QRFPR: variants seen among roughly 807,000 people sequenced by gnomAD.
The protein encoded by QRFPR is pyroglutamylated RF-amide peptide receptor.
A neutral mutation model predicts 31.3 loss-of-function variants in QRFPR; 37 were observed. That is an observed-to-expected ratio of 1.18 (90% CI 0.91 to 1.56). The LOEUF is 1.56. Among genes scored for constraint, QRFPR ranks in the 40% most tolerant of loss-of-function variants. The probability of loss-of-function intolerance (pLI) is 0.00; values close to 1 mark genes in which losing one functional copy is unlikely to be tolerated. For synonymous variants in QRFPR, 197 were observed against 192.0 expected (o/e 1.03, Z -0.22); for missense variants, 542 against 532.5 (o/e 1.02, Z -0.18).
In QRFPR at chr4:121,369,932, G is replaced by A. The variant is rs1726200428; in HGVS notation, c.340+10376C>T. On this transcript the variant is annotated intron_variant, in intron 1 of 5. Coordinates refer to ENST00000394427, the MANE Select transcript of QRFPR (RefSeq NM_198179.3). ...TCTAAGGTACTTGGTCTTCTGAGTG[G>A]TGACACCCTTGTGGGTGTGTAGCCA... The A allele has an allele frequency of 2.2e-5, 17 of 769,552 alleles. 1 individual carries two copies. In the South Asian group the frequency reaches 2.4e-4, roughly 11 times the overall value. 47.7% of individuals were successfully genotyped at this position (769,552 alleles called of 1,614,324 possible).
At chr4:121,363,900 G>A (rs557209630) in intron 1 of QRFPR, among the ~76,000 whole-genome samples, 19 of 145,866 alleles carry the variant, frequency 1.3e-4, no homozygotes, top group African/African-American at 4.9e-4. Flanking sequence ...GAAGGAGAAA[G>A]AGAGAGAGGC....
intron 1 of QRFPR, chr4:121,370,472 A>T (rs7678003): frequency 7.4e-5 from 36 of 487,742 alleles, no homozygotes; most frequent in Non-Finnish European, 1.2e-4. Flanking sequence ...AATTAGCAAA[A>T]CTTCCCAGGA....
chr4:121,373,373 C>A (rs114272918), intron 1 of QRFPR, among the ~76,000 whole-genome samples: 339 of 152,310 alleles, frequency 2.2e-3, no homozygotes, highest in African/African-American at 7.8e-3. Context: ...TCAAAGTGTG[C>A]ACGTAATTGA....
chr4:121,365,570 TA>T (rs1726098817), intron 1 of QRFPR, among the ~76,000 whole-genome samples: 2 of 2,878 alleles, frequency 6.9e-4, no homozygotes, highest in African/African-American at 2.7e-3. Flanking sequence ...ATATATTATA[TA>T]TAATATATAT....
chr4:121,351,841 T>C (rs1427634846), intron 1 of QRFPR, among the ~76,000 whole-genome samples: 1 of 97,256 alleles, frequency 1.0e-5, no homozygotes, highest in African/African-American at 3.1e-5. Context: ...TATAAAGTAA[T>C]GTAAAAAAAA....
Position 121,330,438 on chromosome 4 carries a change from T to G in QRFPR, c.883A>C (p.Met295Leu), listed in dbSNP as rs750502793. The G allele has an allele frequency of 1.2e-6, 2 of 1,608,850 alleles. No homozygotes were observed. Among genetic ancestry groups the G allele is most frequent in the East Asian group, 4.5e-5 (2 of 44,854 alleles). The change falls in exon 5 of 6, where the codon ATG becomes CTG. Residue 295 changes from methionine (M) to leucine (L), a missense_variant. Met to Leu is a conservative substitution (Grantham distance 15). Coordinates refer to ENST00000394427, the MANE Select transcript of QRFPR (RefSeq NM_198179.3). ...CWAPFHVVHM[M>L]IEYSNFEKEY... ...GACAAGCACTCACTGTATTCAATCA[T>G]CATATGGACAACATGGAATGGTGCC...
chr4:121,355,047 T>G (rs1725839268), intron 1 of QRFPR, among the ~76,000 whole-genome samples: 2 of 152,066 alleles, frequency 1.3e-5, no homozygotes, highest in African/African-American at 2.4e-5. Context: ...CGTTGTGTCT[T>G]TGCCTGGTTT....
intron 1 of QRFPR, among the ~76,000 whole-genome samples, chr4:121,357,796 G>C (rs900077051): frequency 7.9e-5 from 12 of 152,242 alleles, no homozygotes; most frequent in Non-Finnish European, 1.5e-4. Context: ...ATTTGAGAGA[G>C]AGCCCTCACT....
chr4:121,371,684 C>T (rs1339848162), intron 1 of QRFPR, among the ~76,000 whole-genome samples: 2 of 152,100 alleles, frequency 1.3e-5, no homozygotes, highest in African/African-American at 2.4e-5. Flanking sequence ...AGCTTTAGTC[C>T]CTGTAAGTTG....
chr4:121,349,076 G>A (rs1272408508), intron 1 of QRFPR, among the ~76,000 whole-genome samples: 1 of 151,870 alleles, frequency 6.6e-6, no homozygotes, highest in Admixed American at 6.6e-5. Flanking sequence ...CAGCCTGGGT[G>A]ACAGAGCAAG....
chr4:121,353,791 T>A (rs1190594363), intron 1 of QRFPR, among the ~76,000 whole-genome samples: 2 of 152,080 alleles, frequency 1.3e-5, no homozygotes, highest in African/African-American at 2.4e-5. Flanking sequence ...TTTGCCCAGA[T>A]CAATGTTCTG....
intron 1 of QRFPR, among the ~76,000 whole-genome samples, chr4:121,349,418 A>G (rs1209944482): frequency 6.6e-6 from 1 of 152,142 alleles, no homozygotes; most frequent in Non-Finnish European, 1.5e-5. Context: ...AGATTTGCCT[A>G]TTTGCTCCAC....
At chr4:121,377,913 GA>G (rs1236584262) in intron 1 of QRFPR, among the ~76,000 whole-genome samples, 1 of 152,066 alleles carries the variant, frequency 6.6e-6, no homozygotes, top group African/African-American at 2.4e-5. Context: ...ATTTATCAAG[GA>G]AATTTTGCCA....
intron 1 of QRFPR, among the ~76,000 whole-genome samples, chr4:121,376,116 C>G (rs977754564): frequency 6.6e-6 from 1 of 152,160 alleles, no homozygotes; most frequent in Non-Finnish European, 1.5e-5. Flanking sequence ...AGAACAGAGA[C>G]AAAACTTTCC....
At chr4:121,368,570 C>A (rs1172055493) in intron 1 of QRFPR, among the ~76,000 whole-genome samples, 1 of 150,218 alleles carries the variant, frequency 6.7e-6, no homozygotes, top group Non-Finnish European at 1.5e-5. Context: ...TACCAAAAAG[C>A]AGGGGGACTC....
intron 1 of QRFPR, among the ~76,000 whole-genome samples, chr4:121,363,980 C>G (rs1513708): frequency 0.17 from 25,222 of 149,560 alleles, 4,099 homozygotes; most frequent in East Asian, 0.6. Context: ...GAAAAGCAAC[C>G]AGACAGCGAG....
At chr4:121,355,164 T>C (rs116545268) in intron 1 of QRFPR, among the ~76,000 whole-genome samples, 6,646 of 152,154 alleles carry the variant, frequency 0.044, 225 homozygotes, top group East Asian at 0.11. Flanking sequence ...CTTCTTTAAG[T>C]GTTTGGTAGA....
intron 1 of QRFPR, among the ~76,000 whole-genome samples, chr4:121,342,542 C>T (rs1448561575): frequency 6.6e-6 from 1 of 152,120 alleles, no homozygotes; most frequent in Non-Finnish European, 1.5e-5. Flanking sequence ...TCCTCTCATT[C>T]CTCATTTCTT....
chr4:121,376,837 C>CT (rs34124987), intron 1 of QRFPR, among the ~76,000 whole-genome samples: 1 of 151,750 alleles, frequency 6.6e-6, no homozygotes, highest in Non-Finnish European at 1.5e-5. Context: ...ACTTAACAAA[C>CT]TTTTTTTTTT....
Sources: allele counts gnomAD v4.1 joint callset (sites outside exome capture counted in the v4.1 genomes callset), GRCh38; gene constraint gnomAD v4.1.1; transcripts MANE v1.5; gene names NCBI Gene and HGNC (gene_info 2026-07-23, HGNC 2026-07-21).